Variants in TDRD5 observed in about 807,000 individuals in gnomAD.
TDRD5 encodes tudor domain-containing protein 5.
A neutral mutation model predicts 120.6 loss-of-function variants in TDRD5; 41 were observed. The observed-to-expected ratio is 0.34, with a 90% CI of 0.26 to 0.44. The LOEUF (loss-of-function observed/expected upper bound fraction) is 0.44. TDRD5 is among the 20% of genes least tolerant of loss of function. The pLI is 1.00. For synonymous variants in TDRD5, 430 were observed against 433.7 expected, an observed-to-expected ratio of 0.99 and a Z score of 0.11; for missense variants, 1,006 against 1,221.2, an observed-to-expected ratio of 0.82 and a Z score of 2.63.
chr1:179,593,336 GT>G, intron 2 of TDRD5, 123 bp from the exon 3 acceptor site: 1 of 1,090,342 alleles, frequency 9.2e-7, no homozygotes, highest in Non-Finnish European at 1.3e-6. Flanking sequence ...AAGAGTTACT[GT>G]TTATCGTGCT....
At chr1:179,672,004 C>G (rs1679881592) in intron 17 of TDRD5, among the ~76,000 whole-genome samples, 1 of 137,402 alleles carries the variant, frequency 7.3e-6, no homozygotes, top group Non-Finnish European at 1.6e-5. Context: ...ATCACATTTT[C>G]TTTATCCACT....
At chr1:179,654,031 C>T (rs139248884) in intron 13 of TDRD5, among the ~76,000 whole-genome samples, 170 bp from the exon 14 acceptor site, 414 of 152,104 alleles carry the variant, frequency 2.7e-3, no homozygotes, top group African/African-American at 9.2e-3. Context: ...GTTCATTGGC[C>T]GGAACTAGGG....
At chr1:179,683,574 T>C (rs1467347525) in intron 17 of TDRD5, among the ~76,000 whole-genome samples, 2 of 152,224 alleles carry the variant, frequency 1.3e-5, no homozygotes, top group African/African-American at 4.8e-5. Context: ...ATATACTACA[T>C]GTTACTCTGC....
At chr1:179,647,891 A>T (rs1162305648) in intron 11 of TDRD5, among the ~76,000 whole-genome samples, 3 of 146,990 alleles carry the variant, frequency 2.0e-5, no homozygotes, top group East Asian at 2.0e-4. Context: ...TCAAAACCAC[A>T]ATGAGATACC....
chr1:179,657,767 C>T (rs1400420550), intron 14 of TDRD5, among the ~76,000 whole-genome samples: 1 of 152,012 alleles, frequency 6.6e-6, no homozygotes, highest in African/African-American at 2.4e-5. Context: ...TGGTGTACAA[C>T]ATGTTTCAAT....
chr1:179,689,837 TG>T (rs1681020417), intron 17 of TDRD5, among the ~76,000 whole-genome samples: 1 of 152,168 alleles, frequency 6.6e-6, no homozygotes, highest in African/African-American at 2.4e-5. Context: ...TCCGTGGGCG[TG>T]GGACCCTCCA....
At chr1:179,679,325 CT>C (rs1680307786) in intron 17 of TDRD5, among the ~76,000 whole-genome samples, 1 of 151,900 alleles carries the variant, frequency 6.6e-6, no homozygotes, top group Non-Finnish European at 1.5e-5. Context: ...CTATAGTTTT[CT>C]TTTTTTATAA....
At chr1:179,688,836 T>G (rs908867170) in intron 17 of TDRD5, among the ~76,000 whole-genome samples, 21 of 152,384 alleles carry the variant, frequency 1.4e-4, no homozygotes, top group African/African-American at 4.8e-4. Context: ...GTTGATCGAA[T>G]CAGCTACTGA....
Position 179,629,698 on chromosome 1 carries a change from T to G in TDRD5, c.973-1069T>G, listed in dbSNP as rs181958619. 2.4e-3 allele frequency among the ~76,000 whole-genome samples: 361 copies of G among 152,320 alleles called. 1 individual carries two copies. Among genetic ancestry groups the G allele is most frequent in the African/African-American group, 8.2e-3 (340 of 41,578 alleles). ...TCACTTTTAACCCTTTGGAGTAGTT[T>G]TTTTTCAATGTTTTAAGAATTTATG... On this transcript the variant is annotated intron_variant, in intron 6 of 17. Transcript: ENST00000444136.
At chr1:179,623,625 CTTTTTTT>C (rs11428251) in intron 6 of TDRD5, among the ~76,000 whole-genome samples, 4 of 97,898 alleles carry the variant, frequency 4.1e-5, no homozygotes, top group African/African-American at 1.1e-4. Flanking sequence ...CCAACTCATT[CTTTTTTT>C]TTTTTTTTTT....
chr1:179,629,856 T>G (rs1322146052), intron 6 of TDRD5, among the ~76,000 whole-genome samples: 1 of 152,236 alleles, frequency 6.6e-6, no homozygotes, highest in Non-Finnish European at 1.5e-5. Context: ...GTATTTTATG[T>G]GTCTATCCCA....
At chr1:179,611,438 C>T (rs1676269301) in intron 4 of TDRD5, among the ~76,000 whole-genome samples, 1 of 152,110 alleles carries the variant, frequency 6.6e-6, no homozygotes, top group African/African-American at 2.4e-5. Context: ...TATTTTGAAA[C>T]TACCTTAGCA....
intron 7 of TDRD5, among the ~76,000 whole-genome samples, chr1:179,632,057 C>T (rs1319154767): frequency 2.6e-5 from 4 of 151,840 alleles, no homozygotes; most frequent in Non-Finnish European, 4.4e-5. Context: ...CAGGCACCTG[C>T]CACCACGCCC....
intron 17 of TDRD5, among the ~76,000 whole-genome samples, chr1:179,684,029 C>G (rs1473704540): frequency 6.6e-6 from 1 of 151,984 alleles, no homozygotes; most frequent in East Asian, 1.9e-4. Flanking sequence ...TTCATTAAAA[C>G]TAATTACTTC....
chr1:179,685,670 A>G lies in TDRD5; in HGVS notation c.2861-5026A>G, dbSNP rs1303817498. Among the ~76,000 whole-genome samples the G allele has an allele frequency of 4.6e-5, 7 of 152,230 alleles. No individual in the cohort carries two copies. In the South Asian group the frequency reaches 6.2e-4, roughly 14 times the overall value. On this transcript the variant is annotated intron_variant, in intron 17 of 17. Coordinates refer to ENST00000444136, the MANE Select transcript of TDRD5 (RefSeq NM_001199085.3). ...TTCATGATATTGATTCTTCCTATCC[A>G]TGAGCATGGATTGTTCTTCCATTTG...
rs754052921 is a variant in TDRD5, at chr1:179,690,672, GT to G, written c.2861-21del. ...GAGTATGAGTACCCCTTGAAAAGAT[GT>G]TTGTGTACTCTTTCTTTTCCAGTGG... On this transcript the variant is annotated intron_variant, in intron 17 of 17. Coordinates refer to ENST00000444136, the MANE Select transcript of TDRD5 (RefSeq NM_001199085.3). 7 of 1,607,496 alleles carry G rather than the reference GT, an allele frequency of 4.4e-6. No individual in the cohort carries two copies. In the Admixed American group the frequency reaches 1.2e-4, roughly 27 times the overall value.
At chr1:179,592,890 A>G (rs1359580147) in intron 2 of TDRD5, 43 bp downstream of exon 2, 2 of 1,556,566 alleles carry the variant, frequency 1.3e-6, no homozygotes, top group East Asian at 2.2e-5. Flanking sequence ...TTGTAATAAA[A>G]ACAATTGCTT....
At chr1:179,621,416 CTCTTAGGGAGCATTTTGGCATTA>C (rs1229552988) in intron 6 of TDRD5, among the ~76,000 whole-genome samples, 1 of 151,954 alleles carries the variant, frequency 6.6e-6, no homozygotes, top group Non-Finnish European at 1.5e-5. Flanking sequence ...GGACAAAATG[CTCTTAGGGAGCATTTTGGCATTA>C]TCAAGTAAAG....
At chr1:179,629,717 A>G (rs571061061) in intron 6 of TDRD5, among the ~76,000 whole-genome samples, 22 of 152,252 alleles carry the variant, frequency 1.4e-4, no homozygotes, top group African/African-American at 4.3e-4. Flanking sequence ...TGTTTTAAGA[A>G]TTTATGTGAG....
Sources: allele counts gnomAD v4.1 joint callset (sites outside exome capture counted in the v4.1 genomes callset), GRCh38; gene constraint gnomAD v4.1.1; transcripts MANE v1.5; gene names NCBI Gene and HGNC (gene_info 2026-07-23, HGNC 2026-07-21).